SEMA3A: variants seen among roughly 807,000 people sequenced by gnomAD.
SEMA3A encodes semaphorin 3A.
Under a neutral mutation model 97.9 loss-of-function variants are expected in SEMA3A, and 29 were observed. The ratio of observed to expected loss-of-function variants is 0.30; its 90% CI spans 0.22 to 0.40. The LOEUF (loss-of-function observed/expected upper bound fraction) is 0.40. SEMA3A is among the 10% of genes least tolerant of loss of function. The pLI is 1.00. For synonymous variants in SEMA3A, 321 were observed against 323.7 expected (o/e 0.99, Z 0.09); for missense variants, 763 against 951.3 (o/e 0.80, Z 2.60).
At chr7:84,430,819 G>GTGTGTGTGTGTGTGTGTGTGTA (rs149621698) in intron 1 of SEMA3A, among the ~76,000 whole-genome samples, 1 of 148,352 alleles carries the variant, frequency 6.7e-6, no homozygotes, top group African/African-American at 2.5e-5. Context: ...GTGTGTGTGT[G>GTGTGTGTGTGTGTGTGTGTGTA]TGTATTTAGA....
intron 14 of SEMA3A, among the ~76,000 whole-genome samples, chr7:83,977,897 G>GGGTTCATGCCATTCTCCTGCC (rs1789227709): frequency 6.7e-6 from 1 of 149,876 alleles, no homozygotes; most frequent in Admixed American, 6.7e-5. Context: ...TCCGCCTCCC[G>GGGTTCATGCCATTCTCCTGCC]GGTTCATGCC....
chr7:84,103,472 C>T (rs1381817379), intron 4 of SEMA3A, among the ~76,000 whole-genome samples: 2 of 152,054 alleles, frequency 1.3e-5, no homozygotes, highest in African/African-American at 4.8e-5. Context: ...CATTTTTTCA[C>T]ATTAATATCA....
At chr7:84,317,435 GAAGT>G (rs1170011449) in intron 2 of SEMA3A, among the ~76,000 whole-genome samples, 2 of 152,162 alleles carry the variant, frequency 1.3e-5, no homozygotes, top group African/African-American at 4.8e-5. Context: ...TCTAGGTGTT[GAAGT>G]AAGTCTAAGG....
In SEMA3A at chr7:84,287,245, T is replaced by C. The variant is rs368404034; in HGVS notation, c.-83+19962A>G. On this transcript the variant is annotated intron_variant, in intron 3 of 3. Transcript: ENST00000424555. ...GTATAATTGACAAACAAAAGATGTA[T>C]ATATTGAAGATGTACAATGTAATTA... Among the ~76,000 whole-genome samples the C allele has an allele frequency of 5.3e-5, 8 of 152,126 alleles. No individual in the cohort carries two copies. In the East Asian group the frequency reaches 1.5e-3, roughly 29 times the overall value.
chr7:84,060,561 G>A lies in SEMA3A; in HGVS notation c.454-3C>T, dbSNP rs1793175839. Reference sequence around the variant, plus strand: ...TTCTCCAGCTTAAAAATATTGTCCTGTGGATTTAAAAAAGAAAGAGAAAAG... The same window carrying A: ...TTCTCCAGCTTAAAAATATTGTCCTATGGATTTAAAAAAGAAAGAGAAAAG... On this transcript the variant is annotated splice_region_variant and splice_polypyrimidine_tract_variant and intron_variant, in intron 4 of 16. Transcript: ENST00000265362. 3 of 1,550,300 alleles carry A rather than the reference G, an allele frequency of 1.9e-6. No homozygotes were observed. The East Asian group carries it at 7.0e-5, about 36-fold the overall frequency.
At chr7:84,217,544 A>G (rs1199210277) in intron 3 of SEMA3A, among the ~76,000 whole-genome samples, 2 of 152,290 alleles carry the variant, frequency 1.3e-5, no homozygotes, top group African/African-American at 2.4e-5. Flanking sequence ...AATGTGCTAC[A>G]TTTTGAAAAG....
chr7:84,124,975 T>C (rs1452787115), intron 3 of SEMA3A, among the ~76,000 whole-genome samples: 1 of 151,930 alleles, frequency 6.6e-6, no homozygotes, highest in Non-Finnish European at 1.5e-5. Context: ...TCTATAAGGG[T>C]TATCAGCAAA....
At chr7:84,005,690 C>T in intron 10 of SEMA3A, 132 bp from the exon 11 acceptor site, 1 of 621,750 alleles carries the variant, frequency 1.6e-6, no homozygotes, top group Non-Finnish European at 2.7e-6. Context: ...GCTCACACCT[C>T]TAATCCTAGC....
At position 84,153,649 on chromosome 7, in the gene SEMA3A, A is replaced by C. The variant is rs373331642; in HGVS notation, c.113-18698T>G. 7.2e-5 allele frequency among the ~76,000 whole-genome samples: 11 copies of C among 152,104 alleles called. No homozygotes were observed. The East Asian group carries it at 1.3e-3, about 19-fold the overall frequency. Reference sequence around the variant, plus strand: ...TGTTATTTAAACAACTCTGCCATGAATTTCCCCTTTAATATAGATATACCA... The same window carrying C: ...TGTTATTTAAACAACTCTGCCATGACTTTCCCCTTTAATATAGATATACCA... On this transcript the variant is annotated intron_variant, in intron 1 of 16. Transcript: ENST00000265362.
chr7:84,452,451 G>A (rs1200778419), intron 1 of SEMA3A, among the ~76,000 whole-genome samples: 1 of 152,130 alleles, frequency 6.6e-6, no homozygotes, highest in Non-Finnish European at 1.5e-5. Flanking sequence ...CACTTTGTGA[G>A]TATGATATGG....
intron 1 of SEMA3A, among the ~76,000 whole-genome samples, chr7:84,144,039 T>C (rs1796394035): frequency 1.3e-5 from 2 of 151,074 alleles, no homozygotes; most frequent in Admixed American, 1.3e-4. Flanking sequence ...GATATCACTG[T>C]AGGTAAATTA....
chr7:83,966,708 A>T lies in SEMA3A; in HGVS notation c.1718-3361T>A, dbSNP rs541512980. Among the ~76,000 whole-genome samples the T allele has an allele frequency of 7.2e-3, 673 of 93,554 alleles. 5 individuals are homozygous for T. The highest frequency in any genetic ancestry group is 0.032 in the African/African-American group (607 of 19,044). 61.4% of individuals were successfully genotyped at this position (93,554 alleles called of 152,430 possible). A position where few individuals can be genotyped will look rare whatever the true frequency, so the allele number is the denominator to read the frequency against. On this transcript the variant is annotated intron_variant, in intron 15 of 16. Coordinates refer to ENST00000265362, the MANE Select transcript of SEMA3A (RefSeq NM_006080.3). ...GATCAGCAATAATTATTAAAAGTAAATTTTTTTTCTTTTTTTTTTTGAGAC... is the reference window on the plus strand; with the variant it reads ...GATCAGCAATAATTATTAAAAGTAATTTTTTTTTCTTTTTTTTTTTGAGAC...
intron 2 of SEMA3A, among the ~76,000 whole-genome samples, chr7:84,325,815 A>C (rs1739830653): frequency 6.6e-6 from 1 of 152,134 alleles, no homozygotes; most frequent in Non-Finnish European, 1.5e-5. Context: ...ATCACAAATT[A>C]ACACATCCAT....
rs558567430 is a variant in SEMA3A at position 84,027,766 on chromosome 7, T to C, written c.668-13415A>G. On this transcript the variant is annotated intron_variant, in intron 6 of 16. Transcript: ENST00000265362. ...CCACCATTCAGTTACTGTGTGACCATGAGCAAGTTAACATCTCTGTCTTGA... is the reference window on the plus strand; with the variant it reads ...CCACCATTCAGTTACTGTGTGACCACGAGCAAGTTAACATCTCTGTCTTGA... Among the ~76,000 whole-genome samples the C allele has an allele frequency of 2.0e-5, 3 of 152,318 alleles. No homozygotes were observed. The South Asian group carries it at 6.2e-4, about 32-fold the overall frequency.
chr7:84,418,956 TAC>T (rs71524605), intron 1 of SEMA3A, among the ~76,000 whole-genome samples: 16,974 of 151,818 alleles, frequency 0.11, 1,181 homozygotes, highest in East Asian at 0.28. Context: ...CATATATATA[TAC>T]ACACACACAT....
At chr7:84,434,656 T>C (rs1325070792) in intron 1 of SEMA3A, among the ~76,000 whole-genome samples, 1 of 152,130 alleles carries the variant, frequency 6.6e-6, no homozygotes, top group Non-Finnish European at 1.5e-5. Flanking sequence ...AAAGAGTTAT[T>C]TTACCATGAT....
chr7:84,152,272 G>T, intron 1 of SEMA3A, among the ~76,000 whole-genome samples: 1 of 144,464 alleles, frequency 6.9e-6, no homozygotes, highest in Non-Finnish European at 1.5e-5. Context: ...ATTCACAATA[G>T]CAAAGACTTG....
intron 1 of SEMA3A, among the ~76,000 whole-genome samples, chr7:84,136,898 T>C (rs1584021024): frequency 7.2e-6 from 1 of 139,248 alleles, no homozygotes; most frequent in Admixed American, 7.7e-5. Context: ...CACCCCACTC[T>C]CCACACACAC....
At chr7:84,362,704 C>A (rs930844959) in intron 2 of SEMA3A, among the ~76,000 whole-genome samples, 8 of 151,804 alleles carry the variant, frequency 5.3e-5, no homozygotes, top group African/African-American at 1.5e-4. Context: ...ACATGGAACT[C>A]CAGGATTTTT....
Sources: allele counts gnomAD v4.1 joint callset (sites outside exome capture counted in the v4.1 genomes callset), GRCh38; gene constraint gnomAD v4.1.1; transcripts MANE v1.5; gene names NCBI Gene and HGNC (gene_info 2026-07-23, HGNC 2026-07-21).